Variants in CSMD1 observed in about 807,000 individuals in gnomAD.
The protein encoded by CSMD1 is CUB and Sushi multiple domains 1.
CSMD1 carries 213 observed loss-of-function variants against 417.5 expected under a neutral mutation model. The ratio of observed to expected loss-of-function variants is 0.51; its 90% confidence interval spans 0.46 to 0.57. The LOEUF is 0.57. Ranked by LOEUF, CSMD1 falls within the 20% of genes least tolerant of loss-of-function variation. The probability of loss-of-function intolerance (pLI) is 0.00; values close to 1 mark genes in which losing one functional copy is unlikely to be tolerated. For missense variants in CSMD1, 6,923 were observed against 4,529.7 expected, an observed-to-expected ratio of 1.53 and a Z score of -15.17; for synonymous variants, 2,862 against 1,736.8, an observed-to-expected ratio of 1.65 and a Z score of -16.11.
At chr8:3,390,718 T>C (rs562833388) in intron 17 of CSMD1, among the ~76,000 whole-genome samples, 1 of 152,084 alleles carries the variant, frequency 6.6e-6, no homozygotes, top group African/African-American at 2.4e-5. Context: ...ACTTAATGAA[T>C]AAAGGGAGTT....
intron 12 of CSMD1, among the ~76,000 whole-genome samples, chr8:3,430,821 A>C (rs900831084): frequency 5.9e-5 from 9 of 152,152 alleles, no homozygotes; most frequent in African/African-American, 1.7e-4. Context: ...ACAACAACAA[A>C]AAAATTCAAA....
intron 2 of CSMD1, among the ~76,000 whole-genome samples, chr8:4,443,129 G>T (rs773933754): frequency 4.6e-5 from 7 of 152,196 alleles, no homozygotes; most frequent in African/African-American, 1.7e-4. Context: ...GTGGTAGCTG[G>T]TATAGCAACA....
At chr8:3,211,323 G>A (rs1288057897) in intron 30 of CSMD1, among the ~76,000 whole-genome samples, 1 of 152,184 alleles carries the variant, frequency 6.6e-6, no homozygotes, top group African/African-American at 2.4e-5. Context: ...GAGATTACAG[G>A]CATGAGCAGC....
At chr8:3,706,143 T>A (rs1194160008) in intron 7 of CSMD1, among the ~76,000 whole-genome samples, 3 of 152,234 alleles carry the variant, frequency 2.0e-5, no homozygotes, top group Non-Finnish European at 4.4e-5. Context: ...CTCCATTTAC[T>A]ATGGAAGGCT....
At chr8:3,395,595 T>C (rs1811640946) in intron 17 of CSMD1, among the ~76,000 whole-genome samples, 1 of 152,258 alleles carries the variant, frequency 6.6e-6, no homozygotes, top group South Asian at 2.1e-4. Flanking sequence ...CATTCCATTA[T>C]AATATTTTGA....
At chr8:3,573,200 G>C (rs933641466) in intron 10 of CSMD1, among the ~76,000 whole-genome samples, 1 of 152,056 alleles carries the variant, frequency 6.6e-6, no homozygotes, top group Non-Finnish European at 1.5e-5. Flanking sequence ...GGATTTATCT[G>C]TTTTTCACAA....
intron 3 of CSMD1, among the ~76,000 whole-genome samples, chr8:4,287,175 G>C (rs528407254): frequency 1.3e-5 from 2 of 152,236 alleles, no homozygotes; most frequent in South Asian, 2.1e-4. Context: ...GTGTAATTTA[G>C]AACTAAACAG....
At chr8:3,356,720 A>G (rs1157956092) in intron 21 of CSMD1, among the ~76,000 whole-genome samples, 1 of 152,114 alleles carries the variant, frequency 6.6e-6, no homozygotes, top group African/African-American at 2.4e-5. Context: ...CAAAAACCGC[A>G]ATTACTTTTG....
At chr8:3,500,205 G>C (rs1182523346) in intron 10 of CSMD1, among the ~76,000 whole-genome samples, 1 of 152,136 alleles carries the variant, frequency 6.6e-6, no homozygotes, top group Non-Finnish European at 1.5e-5. Flanking sequence ...CTTCAGTACA[G>C]TGTTCTCCCC....
intron 2 of CSMD1, among the ~76,000 whole-genome samples, chr8:4,468,493 C>A (rs879506444): frequency 7.9e-5 from 12 of 152,152 alleles, no homozygotes; most frequent in Non-Finnish European, 1.8e-4. Context: ...TCATTCTTAT[C>A]CTCTGAACAT....
chr8:4,439,103 A>G (rs1189397237), intron 2 of CSMD1, among the ~76,000 whole-genome samples: 1 of 152,156 alleles, frequency 6.6e-6, no homozygotes, highest in East Asian at 1.9e-4. Flanking sequence ...TATGGTTCAC[A>G]CTAATCAATC....
chr8:4,015,347 C>T (rs1796469630), intron 4 of CSMD1, among the ~76,000 whole-genome samples: 1 of 152,134 alleles, frequency 6.6e-6, no homozygotes, highest in Admixed American at 6.5e-5. Flanking sequence ...CTGGCTATGT[C>T]GTTCCTAGTT....
chr8:3,970,844 C>A (rs1039349261), intron 5 of CSMD1, among the ~76,000 whole-genome samples: 1 of 152,072 alleles, frequency 6.6e-6, no homozygotes, highest in Non-Finnish European at 1.5e-5. Context: ...CTCCGCCTCC[C>A]GGGTTCACGC....
At chr8:3,684,674 T>G (rs1799854827) in intron 7 of CSMD1, among the ~76,000 whole-genome samples, 1 of 149,616 alleles carries the variant, frequency 6.7e-6, no homozygotes, top group African/African-American at 2.5e-5. Flanking sequence ...CTCCGCTCAC[T>G]GCTAGCTCCG....
At chr8:4,536,863 A>G (rs1419754733) in intron 2 of CSMD1, among the ~76,000 whole-genome samples, 1 of 152,226 alleles carries the variant, frequency 6.6e-6, no homozygotes, top group Non-Finnish European at 1.5e-5. Flanking sequence ...ATTTTGCACA[A>G]TAGTGCATCA....
intron 4 of CSMD1, among the ~76,000 whole-genome samples, chr8:4,030,997 C>T (rs1046177218): frequency 1.3e-5 from 2 of 152,164 alleles, no homozygotes; most frequent in Non-Finnish European, 2.9e-5. Flanking sequence ...TTTCTCATCT[C>T]CATCCGAGAC....
chr8:4,278,326 A>C (rs1381819396), intron 3 of CSMD1, among the ~76,000 whole-genome samples: 1 of 152,194 alleles, frequency 6.6e-6, no homozygotes, highest in Non-Finnish European at 1.5e-5. Flanking sequence ...GGTAATCTAC[A>C]AAATGGCTAA....
intron 10 of CSMD1, among the ~76,000 whole-genome samples, chr8:3,503,021 T>G (rs545346053): frequency 6.6e-6 from 1 of 152,188 alleles, no homozygotes; most frequent in Non-Finnish European, 1.5e-5. Context: ...CTATGTCTTC[T>G]GATCAATTTT....
At chr8:4,840,252 C>A (rs369122658) in intron 1 of CSMD1, among the ~76,000 whole-genome samples, 2 of 72,748 alleles carry the variant, frequency 2.7e-5, no homozygotes, top group Non-Finnish European at 6.5e-5. Context: ...AGCTGATAGC[C>A]CTTTCAGGTA....
Sources: allele counts gnomAD v4.1 joint callset (sites outside exome capture counted in the v4.1 genomes callset), GRCh38; gene constraint gnomAD v4.1.1; transcripts MANE v1.5; gene names NCBI Gene and HGNC (gene_info 2026-07-23, HGNC 2026-07-21).